Variants in SYTL5 observed in about 807,000 individuals in gnomAD.
SYTL5 encodes synaptotagmin-like protein 5.
SYTL5 carries 34 observed loss-of-function variants against 55.9 expected under a neutral mutation model. That is an observed-to-expected ratio of 0.61 (90% CI 0.46 to 0.81). The LOEUF (loss-of-function observed/expected upper bound fraction) is 0.81. Among genes scored for constraint, SYTL5 ranks in the 30% least tolerant of loss-of-function variants. The pLI is 0.00. For missense variants in SYTL5, 637 were observed against 546.7 expected (o/e 1.17, Z -1.65); for synonymous variants, 221 against 188.7 (o/e 1.17, Z -1.40).
the SYTL5 span, among the ~76,000 whole-genome samples, chrX:37,904,159 C>T: frequency 1.5e-4 from 16 of 109,116 alleles, no homozygotes; most frequent in South Asian, 4.0e-4. Flanking sequence ...GAGGCACACA[C>T]GCACACACAC....
rs759731426 is a variant in SYTL5, at chrX:38,128,161, C to T, written c.*1431C>T. On this transcript the variant is annotated 3_prime_UTR_variant, in exon 17 of 17. Transcript: ENST00000297875. ...GTTAAAGCTAGAAGGAACCTCAGGC[C>T]CAGTTGCTCATTTTGCAGATTCCAA... is the stretch of plus-strand genomic sequence containing the variant. The T allele has an allele frequency of 1.8e-5, 2 of 112,176 alleles. No homozygotes were observed. The highest frequency in any genetic ancestry group is 5.6e-4 in the East Asian group (2 of 3,569). 9.2% of individuals were successfully genotyped at this position (112,176 alleles called of 1,213,427 possible). A position where few individuals can be genotyped will look rare whatever the true frequency, so the allele number is the denominator to read the frequency against.
chrX:38,045,937 T>A (rs1341069753), intron 2 of SYTL5, among the ~76,000 whole-genome samples: 1 of 112,045 alleles, frequency 8.9e-6, no homozygotes, highest in Non-Finnish European at 1.9e-5. Flanking sequence ...GAAGAAACCC[T>A]CCATGTTTAC....
intron 2 of SYTL5, among the ~76,000 whole-genome samples, chrX:38,053,307 C>A (rs965105948): frequency 4.4e-5 from 5 of 112,417 alleles, no homozygotes; most frequent in Non-Finnish European, 9.4e-5. Flanking sequence ...GGACATGGAA[C>A]CTATGTACCA....
chrX:37,995,332 A>G, the SYTL5 span, among the ~76,000 whole-genome samples: 11 of 111,966 alleles, frequency 9.8e-5, no homozygotes, highest in Admixed American at 2.8e-4. Flanking sequence ...ACGGGCTGGC[A>G]TGAACTTCAT....
At chrX:38,012,939 A>G (rs1806691076) in intron 1 of SYTL5, among the ~76,000 whole-genome samples, 1 of 112,197 alleles carries the variant, frequency 8.9e-6, no homozygotes, top group African/African-American at 3.2e-5. Context: ...CTAGAACTAG[A>G]TATGTACTAA....
At chrX:37,898,609 A>G in the SYTL5 span, among the ~76,000 whole-genome samples, 1 of 112,308 alleles carries the variant, frequency 8.9e-6, no homozygotes, top group African/African-American at 3.2e-5. Context: ...TAGTTCTTTA[A>G]TATAGTCCTT....
chrX:37,996,225 A>G, the SYTL5 span, among the ~76,000 whole-genome samples: 1 of 112,098 alleles, frequency 8.9e-6, no homozygotes, highest in Admixed American at 9.4e-5. Context: ...GGCCACAGCC[A>G]GCATAGCTTC....
intron 1 of SYTL5, among the ~76,000 whole-genome samples, chrX:38,013,045 A>G (rs1368649327): frequency 2.7e-5 from 3 of 112,394 alleles, no homozygotes; most frequent in Admixed American, 1.9e-4. Flanking sequence ...TCCAGACATT[A>G]ATATGGAAAA....
rs1466322227 is a variant in SYTL5, at chrX:38,127,928, G to T, written c.*1198G>T. 1 of 111,789 alleles carries T rather than the reference G, an allele frequency of 8.9e-6. No homozygotes were observed. The highest frequency in any genetic ancestry group is 9.5e-5 in the Admixed American group (1 of 10,515). The allele number at this position is 111,789 out of a possible 1,213,427, so 9.2% of individuals were successfully genotyped here. A position where few individuals can be genotyped will look rare whatever the true frequency, so the allele number is the denominator to read the frequency against. On this transcript the variant is annotated 3_prime_UTR_variant, in exon 17 of 17. Transcript: ENST00000297875. Reference sequence around the variant, plus strand: ...TCGGGTACATTTTCAGCCCCTGGTTGTGTCATGTCTACTGATATCTCATTG... The same window carrying T: ...TCGGGTACATTTTCAGCCCCTGGTTTTGTCATGTCTACTGATATCTCATTG...
At chrX:37,985,384 C>T in the SYTL5 span, among the ~76,000 whole-genome samples, 1 of 111,201 alleles carries the variant, frequency 9.0e-6, no homozygotes, top group African/African-American at 3.2e-5. Context: ...TCTTTCTATA[C>T]ACTTCCAATG....
chrX:38,023,652 T>C (rs961408354), intron 1 of SYTL5, among the ~76,000 whole-genome samples: 1 of 111,879 alleles, frequency 8.9e-6, no homozygotes, highest in Non-Finnish European at 1.9e-5. Flanking sequence ...TTTAAATGCC[T>C]CATTTTAAAA....
At chrX:38,092,387 G>C (rs193021640) in intron 7 of SYTL5, among the ~76,000 whole-genome samples, 2 of 111,370 alleles carry the variant, frequency 1.8e-5, no homozygotes, top group African/African-American at 6.5e-5. Context: ...CAAAACCAGG[G>C]AGGCCGACAA....
chrX:38,109,806 C>A (rs1262619625), intron 12 of SYTL5, among the ~76,000 whole-genome samples: 1 of 110,714 alleles, frequency 9.0e-6, no homozygotes, highest in African/African-American at 3.3e-5. Flanking sequence ...GCAATATCTT[C>A]TTTCTGTTTA....
chrX:38,106,611 A>G lies in SYTL5; in HGVS notation c.1174A>G (p.Met392Val). Residue 392 changes from methionine to valine, a missense_variant, in exon 11 of 17, where the codon ATG (methionine) becomes GTG (valine). Met to Val is a conservative substitution (Grantham distance 21, BLOSUM62 1). Transcript: ENST00000297875. The part of the protein sequence containing the change: ...GLSTTSLNSM[M>V]SVYSETGDYG... The stretch of plus-strand genomic sequence containing the variant: ...ATTCCAGACCAGCCTTAACAGCATG[A>G]TGAGCGTTTACAGTGAAACGGGAGA... The G allele has an allele frequency of 8.3e-7, 1 of 1,202,443 alleles. No homozygotes were observed. Among genetic ancestry groups the G allele is most frequent in the Non-Finnish European group, 1.1e-6 (1 of 891,875 alleles).
intron 2 of SYTL5, among the ~76,000 whole-genome samples, chrX:38,041,705 G>T (rs968631681): frequency 2.7e-5 from 3 of 112,168 alleles, no homozygotes; most frequent in African/African-American, 9.7e-5. Context: ...ATTTTTCTCC[G>T]AGGAAGCGTT....
the SYTL5 span, among the ~76,000 whole-genome samples, chrX:37,918,299 C>T: frequency 9.0e-6 from 1 of 111,707 alleles, no homozygotes; most frequent in African/African-American, 3.3e-5. Context: ...GTTCCTCTGT[C>T]AACTTCAGGA....
intron 6 of SYTL5, among the ~76,000 whole-genome samples, chrX:38,078,814 C>T (rs1043003263): frequency 7.1e-5 from 8 of 112,217 alleles, no homozygotes; most frequent in African/African-American, 2.3e-4. Context: ...GACCCAGGAG[C>T]TTCTTGTTCT....
chrX:37,892,367 A>C, the SYTL5 span, among the ~76,000 whole-genome samples: 1 of 105,948 alleles, frequency 9.4e-6, no homozygotes, highest in Admixed American at 1.1e-4. Flanking sequence ...TATATATAAT[A>C]TATATAATAC....
chrX:38,054,442 A>G lies in SYTL5; in HGVS notation c.329+20A>G. The G allele has an allele frequency of 8.4e-7, 1 of 1,187,483 alleles. No homozygotes were observed. Among genetic ancestry groups the G allele is most frequent in the Non-Finnish European group, 1.1e-6 (1 of 874,536 alleles). ...AATCGCGTGAGTTTCTTGATTTTTC[A>G]TGGAAAGTGGAGATTGATGACTGAA... On this transcript the variant is annotated intron_variant, in intron 3 of 16. Coordinates refer to ENST00000297875, the MANE Select transcript of SYTL5 (RefSeq NM_138780.3).
Sources: gnomAD v4.1 joint callset for allele counts (sites outside exome capture counted in the v4.1 genomes callset) on GRCh38, gnomAD v4.1.1 for gene constraint, MANE v1.5 for transcripts, NCBI Gene and HGNC (gene_info 2026-07-23, HGNC 2026-07-21) for gene names.